Variants in ABCG2 observed in about 807,000 individuals in gnomAD.
The protein encoded by ABCG2 is broad substrate specificity ATP-binding cassette transporter ABCG2.
Under a neutral mutation model 73.5 loss-of-function variants are expected in ABCG2, and 80 were observed. The ratio of observed to expected loss-of-function variants is 1.09; its 90% confidence interval spans 0.91 to 1.31. The LOEUF (loss-of-function observed/expected upper bound fraction) is 1.31. ABCG2 is among the 50% of genes most tolerant of loss of function. The pLI is 0.00. For missense variants in ABCG2, 796 were observed against 786.2 expected, an observed-to-expected ratio of 1.01 and a Z score of -0.15; for synonymous variants, 269 against 282.4, an observed-to-expected ratio of 0.95 and a Z score of 0.48.
chr4:88,108,331 G>T (rs550547535), intron 9 of ABCG2, among the ~76,000 whole-genome samples: 5 of 150,788 alleles, frequency 3.3e-5, no homozygotes, highest in Non-Finnish European at 7.4e-5. Flanking sequence ...AGACCAGCCT[G>T]GGCAACATGG....
chr4:88,169,060 T>G (rs189856967), intron 1 of ABCG2, among the ~76,000 whole-genome samples: 7,848 of 151,614 alleles, frequency 0.052, 266 homozygotes, highest in Non-Finnish European at 0.08. Flanking sequence ...TTTTTTTTTT[T>G]TTTGAGACAA....
intron 1 of ABCG2, among the ~76,000 whole-genome samples, chr4:88,216,074 G>A (rs1051968593): frequency 3.9e-5 from 6 of 152,266 alleles, no homozygotes; most frequent in South Asian, 2.1e-4. Context: ...AGAAGGGGAC[G>A]ACTACACTTA....
chr4:88,120,546 A>G (rs1268657574), intron 6 of ABCG2, among the ~76,000 whole-genome samples: 1 of 152,184 alleles, frequency 6.6e-6, no homozygotes, highest in African/African-American at 2.4e-5. Flanking sequence ...TGAGATATGG[A>G]ATCAAAGAAG....
intron 1 of ABCG2, among the ~76,000 whole-genome samples, chr4:88,151,698 C>T (rs529284140): frequency 2.0e-5 from 3 of 149,920 alleles, no homozygotes; most frequent in Admixed American, 1.3e-4. Flanking sequence ...GAGATGGCGC[C>T]ACTGCACTCC....
rs77157275 is a variant in ABCG2 at position 88,150,528 on chromosome 4, G to C, written c.-20+7858C>G. Among the ~76,000 whole-genome samples the C allele has an allele frequency of 9.3e-3, 1,416 of 152,342 alleles. 16 individuals carry two copies. Among genetic ancestry groups the C allele is most frequent in the African/African-American group, 0.032 (1,332 of 41,570 alleles). On this transcript the variant is annotated intron_variant, in intron 1 of 15. Coordinates refer to ENST00000237612, the MANE Select transcript of ABCG2 (RefSeq NM_004827.3). ...GAATGGCACTGGAAGGCACAGGAAA[G>C]TTCTGAGTGAAGAAATGATATCTAT...
chr4:88,139,140 C>CA (rs35885773), intron 2 of ABCG2, among the ~76,000 whole-genome samples: 209 of 102,500 alleles, frequency 2.0e-3, no homozygotes, highest in Middle Eastern at 5.2e-3. Flanking sequence ...GACTCCCTCT[C>CA]AAAAAAAAAA....
At chr4:88,203,190 T>A (rs1215959794) in intron 1 of ABCG2, among the ~76,000 whole-genome samples, 2 of 151,952 alleles carry the variant, frequency 1.3e-5, no homozygotes, top group Admixed American at 6.6e-5. Context: ...TACTAAGAAC[T>A]GGAGAGGTGA....
At chr4:88,130,824 T>G (rs369012961) in intron 5 of ABCG2, among the ~76,000 whole-genome samples, 1 of 152,182 alleles carries the variant, frequency 6.6e-6, no homozygotes, top group Non-Finnish European at 1.5e-5. Flanking sequence ...ATGAACACTT[T>G]CACGTACAAC....
At chr4:88,146,677 A>C in intron 1 of ABCG2, among the ~76,000 whole-genome samples, 1 of 152,108 alleles carries the variant, frequency 6.6e-6, no homozygotes, top group East Asian at 1.9e-4. Flanking sequence ...TACAGGCATG[A>C]GTCACCGTGC....
chr4:88,122,674 T>G (rs72659644), intron 5 of ABCG2, among the ~76,000 whole-genome samples: 19,721 of 152,170 alleles, frequency 0.13, 1,504 homozygotes, highest in Middle Eastern at 0.24. Context: ...CAGGGGTATA[T>G]AGATAAAACT....
intron 1 of ABCG2, among the ~76,000 whole-genome samples, chr4:88,219,138 A>T (rs1441340351): frequency 6.6e-6 from 1 of 152,222 alleles, no homozygotes; most frequent in African/African-American, 2.4e-5. Flanking sequence ...TTGAAGTTAA[A>T]TGTTCAGTTT....
intron 1 of ABCG2, among the ~76,000 whole-genome samples, chr4:88,176,113 G>T (rs1402690811): frequency 6.6e-6 from 1 of 151,730 alleles, no homozygotes; most frequent in Admixed American, 6.6e-5. Flanking sequence ...TAAATGCTCT[G>T]TCTACAGATC....
chr4:88,116,453 T>C (rs1723582490), intron 7 of ABCG2, among the ~76,000 whole-genome samples: 1 of 151,948 alleles, frequency 6.6e-6, no homozygotes, highest in African/African-American at 2.4e-5. Context: ...TTTAGGATCA[T>C]AGGGAATCAT....
chr4:88,121,518 C>T (rs964116822), intron 6 of ABCG2, 117 bp downstream of exon 6: 6 of 1,004,272 alleles, frequency 6.0e-6, no homozygotes, highest in South Asian at 1.8e-5. Flanking sequence ...CTGACTTTCA[C>T]TCCAACAGAA....
intron 1 of ABCG2, among the ~76,000 whole-genome samples, chr4:88,151,207 T>C (rs1026250447): frequency 6.6e-6 from 1 of 152,178 alleles, no homozygotes; most frequent in Non-Finnish European, 1.5e-5. Context: ...CTCCACCAAA[T>C]TGGCACTGTG....
At chr4:88,125,009 A>G (rs557009304) in intron 5 of ABCG2, among the ~76,000 whole-genome samples, 5 of 152,268 alleles carry the variant, frequency 3.3e-5, no homozygotes, top group Admixed American at 3.3e-4. Flanking sequence ...AAACTCACTC[A>G]AGGCCAGGCG....
intron 13 of ABCG2, among the ~76,000 whole-genome samples, chr4:88,095,947 T>C (rs1721956078): frequency 6.6e-6 from 1 of 152,208 alleles, no homozygotes; most frequent in Admixed American, 6.5e-5. Flanking sequence ...GCACTGACTA[T>C]TCTAATGACA....
intron 1 of ABCG2, among the ~76,000 whole-genome samples, chr4:88,212,225 C>T (rs1729632851): frequency 6.6e-6 from 1 of 152,178 alleles, no homozygotes; most frequent in African/African-American, 2.4e-5. Flanking sequence ...AAAATATGAA[C>T]ATCCCAAAGT....
At chr4:88,096,040 AC>A (rs1721962989) in intron 13 of ABCG2, among the ~76,000 whole-genome samples, 1 of 152,194 alleles carries the variant, frequency 6.6e-6, no homozygotes, top group Non-Finnish European at 1.5e-5. Context: ...TGCCCACTGC[AC>A]CTCACATAAG....
Sources: gnomAD v4.1 joint callset for allele counts (sites outside exome capture counted in the v4.1 genomes callset) on GRCh38, gnomAD v4.1.1 for gene constraint, MANE v1.5 for transcripts, NCBI Gene and HGNC (gene_info 2026-07-23, HGNC 2026-07-21) for gene names.